The following VDAC1 variants were observed in gnomAD, a reference collection of about 807,000 sequenced individuals.
VDAC1 encodes voltage dependent anion channel 1.
In VDAC1, 10 loss-of-function variants were observed where a neutral mutation model predicts 34.7. The ratio of observed to expected loss-of-function variants is 0.29; its 90% confidence interval spans 0.18 to 0.49. VDAC1 has a LOEUF of 0.49. Among genes scored for constraint, VDAC1 ranks in the 20% least tolerant of loss-of-function variants. The probability of loss-of-function intolerance (pLI) is 0.99; values close to 1 mark genes in which losing one functional copy is unlikely to be tolerated. For missense variants in VDAC1, 230 were observed against 347.9 expected, an observed-to-expected ratio of 0.66 and a Z score of 2.69; for synonymous variants, 130 against 136.0, an observed-to-expected ratio of 0.96 and a Z score of 0.30.
At chr5:134,046,048 T>C in the VDAC1 span, among the ~76,000 whole-genome samples, 38 of 150,628 alleles carry the variant, frequency 2.5e-4, no homozygotes, top group African/African-American at 8.5e-4. Context: ...ATTTTTGAGA[T>C]GGAGTCTCAC....
At chr5:134,091,526 T>A in the VDAC1 span, among the ~76,000 whole-genome samples, 1 of 152,160 alleles carries the variant, frequency 6.6e-6, no homozygotes, top group South Asian at 2.1e-4. Flanking sequence ...GGGAAGAGCA[T>A]GGGCAAAGGC....
chr5:134,070,133 T>C, the VDAC1 span, among the ~76,000 whole-genome samples: 1 of 152,148 alleles, frequency 6.6e-6, no homozygotes, highest in Non-Finnish European at 1.5e-5. Context: ...GCCATTCTTT[T>C]ATTCCTTTAC....
the VDAC1 span, among the ~76,000 whole-genome samples, chr5:134,077,896 T>C: frequency 1.3e-5 from 2 of 152,252 alleles, no homozygotes; most frequent in East Asian, 3.8e-4. Flanking sequence ...AGGTATTCCA[T>C]GTTCAGAGCA....
At chr5:134,093,549 C>A in the VDAC1 span, among the ~76,000 whole-genome samples, 1 of 152,228 alleles carries the variant, frequency 6.6e-6, no homozygotes, top group Non-Finnish European at 1.5e-5. Flanking sequence ...TGGCCAAGCC[C>A]AACAGACCTG....
chr5:133,976,362 C>T (rs942835416), intron 6 of VDAC1: 14 of 207,794 alleles, frequency 6.7e-5, no homozygotes, highest in Non-Finnish European at 1.3e-4. Context: ...AAAAATTGAC[C>T]GGGCTGGTGC....
At chr5:133,983,333 A>T (rs1442395054) in intron 5 of VDAC1, among the ~76,000 whole-genome samples, 1 of 152,082 alleles carries the variant, frequency 6.6e-6, no homozygotes, top group Non-Finnish European at 1.5e-5. Flanking sequence ...AAAATGGATT[A>T]TTGCCATTTA....
the VDAC1 span, among the ~76,000 whole-genome samples, chr5:134,070,842 C>CT: frequency 6.6e-6 from 1 of 152,174 alleles, no homozygotes; most frequent in East Asian, 1.9e-4. Context: ...TAGCACATAC[C>CT]TTTTTGCACG....
chr5:134,015,625 A>G, the VDAC1 span, among the ~76,000 whole-genome samples: 2 of 149,002 alleles, frequency 1.3e-5, no homozygotes, highest in Admixed American at 1.3e-4. Flanking sequence ...TGCTTGAACG[A>G]TTTTTTTTTT....
the VDAC1 span, among the ~76,000 whole-genome samples, chr5:134,050,256 T>C: frequency 1.3e-5 from 2 of 152,026 alleles, no homozygotes; most frequent in Non-Finnish European, 2.9e-5. Flanking sequence ...TAAAAGAAAA[T>C]AAATAAATAA....
the VDAC1 span, among the ~76,000 whole-genome samples, chr5:134,030,147 C>G: frequency 6.6e-6 from 1 of 152,036 alleles, no homozygotes; most frequent in African/African-American, 2.4e-5. Flanking sequence ...TTGAGACCAG[C>G]CTGACCAACA....
At chr5:134,027,655 C>G in the VDAC1 span, among the ~76,000 whole-genome samples, 1 of 152,142 alleles carries the variant, frequency 6.6e-6, no homozygotes, top group Non-Finnish European at 1.5e-5. Flanking sequence ...GACAACACAA[C>G]CAACACTAAC....
the VDAC1 span, among the ~76,000 whole-genome samples, chr5:134,083,058 T>A: frequency 2.0e-5 from 3 of 152,338 alleles, no homozygotes; most frequent in East Asian, 5.8e-4. Flanking sequence ...TTGCAATGGA[T>A]GCAGATTTAG....
chr5:134,007,397 T>C (rs2127052737), upstream of VDAC1, among the ~76,000 whole-genome samples: 1 of 152,294 alleles, frequency 6.6e-6, no homozygotes, highest in African/African-American at 2.4e-5. Flanking sequence ...ATCCCACTAC[T>C]GCACTCCAGC....
chr5:133,999,901 C>T (rs993898725), intron 1 of VDAC1, among the ~76,000 whole-genome samples: 1 of 152,094 alleles, frequency 6.6e-6, no homozygotes, highest in African/African-American at 2.4e-5. Context: ...TCTCTGGCCC[C>T]GCTGTTTCAC....
chr5:133,997,587 G>A (rs1008679258), intron 1 of VDAC1, among the ~76,000 whole-genome samples: 11 of 151,130 alleles, frequency 7.3e-5, no homozygotes, highest in Admixed American at 2.0e-4. Flanking sequence ...GATGGTGCAC[G>A]CCTGTAATGC....
the VDAC1 span, among the ~76,000 whole-genome samples, chr5:134,039,606 G>A: frequency 6.6e-6 from 1 of 152,218 alleles, no homozygotes. Context: ...TGGGATTACA[G>A]GCGTGAGCCA....
the VDAC1 span, among the ~76,000 whole-genome samples, chr5:134,033,440 G>C: frequency 6.6e-6 from 1 of 151,724 alleles, no homozygotes; most frequent in Non-Finnish European, 1.5e-5. Context: ...ACAGGCATGA[G>C]CCACCGCACC....
chr5:133,987,797 GTAGCTT>G (rs1486859447), intron 5 of VDAC1, among the ~76,000 whole-genome samples: 1 of 152,220 alleles, frequency 6.6e-6, no homozygotes, highest in Non-Finnish European at 1.5e-5. Flanking sequence ...GAGAAAAATA[GTAGCTT>G]TACAATGAAG....
chr5:134,083,864 C>A, the VDAC1 span, among the ~76,000 whole-genome samples: 3 of 152,298 alleles, frequency 2.0e-5, no homozygotes, highest in East Asian at 3.9e-4. Flanking sequence ...CGGGCCTGAG[C>A]AGTCCTCCAG....
Sources: allele counts gnomAD v4.1 joint callset (sites outside exome capture counted in the v4.1 genomes callset), GRCh38; gene constraint gnomAD v4.1.1; transcripts MANE v1.5; gene names NCBI Gene and HGNC (gene_info 2026-07-23, HGNC 2026-07-21).